Variants in HDAC9 observed in about 807,000 individuals in gnomAD.
The protein encoded by HDAC9 is histone deacetylase 9, also known as MEF-2 interacting transcription repressor (MITR) protein.
In HDAC9, 41 loss-of-function variants were observed where a neutral mutation model predicts 139.4. The ratio of observed to expected loss-of-function variants is 0.29; its 90% CI spans 0.23 to 0.38. The LOEUF (loss-of-function observed/expected upper bound fraction) is 0.38, where lower values mean the gene tolerates loss of function less well. HDAC9 is among the 10% of genes least tolerant of loss of function. The probability of loss-of-function intolerance (pLI) is 1.00; values close to 1 mark genes in which losing one functional copy is unlikely to be tolerated. For missense variants in HDAC9, 1,147 were observed against 1,297.0 expected (o/e 0.88, Z 1.78); for synonymous variants, 517 against 476.2 (o/e 1.09, Z -1.12).
In HDAC9 at chr7:18,756,876, C is replaced by A. The variant is rs549008508; in HGVS notation, c.2044-5281C>A. ...CCTCCTTCCTTCTTTCACTCCCCAA[C>A]CTTTTTTTTTTTTTATGAGAAAAAC... On this transcript the variant is annotated intron_variant, in intron 14 of 25. Transcript: ENST00000686413. Among the ~76,000 whole-genome samples the A allele has an allele frequency of 5.3e-5, 8 of 151,570 alleles. No individual in the cohort carries two copies. The East Asian group carries it at 1.2e-3, about 22-fold the overall frequency.
chr7:18,642,552 C>T (rs1191456467), intron 8 of HDAC9, among the ~76,000 whole-genome samples: 2 of 152,022 alleles, frequency 1.3e-5, no homozygotes, highest in Non-Finnish European at 2.9e-5. Context: ...CTTGAGAGTG[C>T]CTGTGAAGAA....
intron 22 of HDAC9, among the ~76,000 whole-genome samples, chr7:18,876,278 TG>T (rs575018545): frequency 8.6e-4 from 131 of 152,272 alleles, no homozygotes; most frequent in Non-Finnish European, 1.6e-3. Flanking sequence ...CTCTTCATTG[TG>T]TTCCATCTCA....
chr7:18,435,260 G>C (rs1180156564), intron 1 of HDAC9, among the ~76,000 whole-genome samples: 1 of 151,944 alleles, frequency 6.6e-6, no homozygotes, highest in Non-Finnish European at 1.5e-5. Context: ...ACGTGAGGGT[G>C]AAGGTAAGTG....
intron 1 of HDAC9, among the ~76,000 whole-genome samples, chr7:18,455,931 A>T (rs995044083): frequency 3.3e-5 from 5 of 152,306 alleles, no homozygotes; most frequent in Non-Finnish European, 7.4e-5. Flanking sequence ...ATTGAAACCA[A>T]AGGATAAAAT....
intron 22 of HDAC9, among the ~76,000 whole-genome samples, chr7:18,903,842 G>A (rs1362824789): frequency 6.6e-6 from 1 of 152,150 alleles, no homozygotes; most frequent in Non-Finnish European, 1.5e-5. Context: ...TTGTAGTCAA[G>A]CATGCTGTTC....
At chr7:18,090,925 C>T (rs1330736848) in intron 1 of HDAC9, among the ~76,000 whole-genome samples, 1 of 152,106 alleles carries the variant, frequency 6.6e-6, no homozygotes, top group Non-Finnish European at 1.5e-5. Context: ...CTTCAAATCC[C>T]ACTAGAATTT....
At chr7:18,875,708 A>T (rs193102637) in intron 22 of HDAC9, among the ~76,000 whole-genome samples, 2 of 152,290 alleles carry the variant, frequency 1.3e-5, no homozygotes, top group Admixed American at 1.3e-4. Flanking sequence ...TTGAATAGAG[A>T]GGTGTTTGCT....
At chr7:18,736,084 T>C (rs1786864997) in intron 13 of HDAC9, among the ~76,000 whole-genome samples, 1 of 152,244 alleles carries the variant, frequency 6.6e-6, no homozygotes, top group South Asian at 2.1e-4. Context: ...ACATTGATTT[T>C]CTATCCTGAG....
intron 5 of HDAC9, among the ~76,000 whole-genome samples, chr7:18,593,385 C>T (rs1259297424): frequency 2.6e-5 from 4 of 152,080 alleles, no homozygotes; most frequent in African/African-American, 9.7e-5. Context: ...ATGTGATCCC[C>T]ATTCTTTACT....
rs558907940 is a variant in HDAC9, at chr7:18,565,872, C to T, written c.23-19409C>T. Among the ~76,000 whole-genome samples, 10 of 150,954 alleles carry T rather than the reference C, an allele frequency of 6.6e-5. No homozygotes were observed. In the East Asian group the frequency reaches 1.9e-3, roughly 29 times the overall value. ...AATTTTTTTTTTTTTCAGTTTTACC[C>T]TGGCAACTTTAATTGGCTTAGTGGT... On this transcript the variant is annotated intron_variant, in intron 2 of 25. Coordinates refer to ENST00000686413, the MANE Select transcript of HDAC9 (RefSeq NM_178425.4).
chr7:18,723,088 G>A (rs773170327), intron 12 of HDAC9, among the ~76,000 whole-genome samples: 3 of 151,876 alleles, frequency 2.0e-5, no homozygotes, highest in Non-Finnish European at 2.9e-5. Flanking sequence ...TCGTCCCTTG[G>A]TAATCATTTT....
At chr7:18,429,697 A>T (rs1242301224) in intron 1 of HDAC9, among the ~76,000 whole-genome samples, 1 of 152,214 alleles carries the variant, frequency 6.6e-6, no homozygotes, top group African/African-American at 2.4e-5. Flanking sequence ...TCAAGAATGA[A>T]TGCAAAGCAT....
At chr7:18,315,904 T>G (rs541522545) in intron 1 of HDAC9, among the ~76,000 whole-genome samples, 65 of 152,306 alleles carry the variant, frequency 4.3e-4, no homozygotes, top group Middle Eastern at 3.4e-3. Flanking sequence ...TGGACCTGTG[T>G]TTGCAATTGT....
intron 2 of HDAC9, among the ~76,000 whole-genome samples, chr7:18,535,522 T>C (rs571415264): frequency 6.6e-6 from 1 of 151,894 alleles, no homozygotes; most frequent in Admixed American, 6.5e-5. Flanking sequence ...ATTTGTGATC[T>C]CTCTCAATGA....
At chr7:18,306,924 C>G (rs1798950715) in intron 1 of HDAC9, among the ~76,000 whole-genome samples, 1 of 152,156 alleles carries the variant, frequency 6.6e-6, no homozygotes, top group East Asian at 1.9e-4. Flanking sequence ...ATGCAGCCAT[C>G]TCCCCTGGTC....
In HDAC9 at chr7:18,673,677, T is replaced by C. The variant is rs148109942; in HGVS notation, c.1731+7201T>C. Among the ~76,000 whole-genome samples, 665 of 152,200 alleles carry C rather than the reference T, an allele frequency of 4.4e-3. 5 individuals are homozygous for C. The highest frequency in any genetic ancestry group is 0.014 in the Middle Eastern group (4 of 294). The stretch of plus-strand genomic sequence containing the variant: ...GTATTTATGTTTCTGCTTTAGATCG[T>C]CTTCATCTCATTTTGTATTTTGTTA... On this transcript the variant is annotated intron_variant, in intron 12 of 25. Transcript: ENST00000686413.
intron 2 of HDAC9, among the ~76,000 whole-genome samples, chr7:18,249,752 T>C (rs1794802854): frequency 1.3e-5 from 2 of 152,256 alleles, no homozygotes; most frequent in East Asian, 3.9e-4. Flanking sequence ...GTACCTAATG[T>C]CTTTAACATT....
At chr7:18,119,367 T>C (rs962282433) in intron 1 of HDAC9, among the ~76,000 whole-genome samples, 2 of 152,190 alleles carry the variant, frequency 1.3e-5, no homozygotes, top group African/African-American at 4.8e-5. Flanking sequence ...GCAATGTATG[T>C]TGGTTAAGTG....
At chr7:18,110,925 T>C (rs1053830862) in intron 1 of HDAC9, among the ~76,000 whole-genome samples, 2 of 152,162 alleles carry the variant, frequency 1.3e-5, no homozygotes, top group East Asian at 1.9e-4. Flanking sequence ...AGTTTGGATG[T>C]TGGTATAGGT....
Sources: allele counts gnomAD v4.1 joint callset (sites outside exome capture counted in the v4.1 genomes callset), GRCh38; gene constraint gnomAD v4.1.1; transcripts MANE v1.5; gene names NCBI Gene and HGNC (gene_info 2026-07-23, HGNC 2026-07-21).